KLF13: variants seen among roughly 807,000 people sequenced by gnomAD.
KLF13 encodes the protein Krueppel-like factor 13.
In KLF13, 8 loss-of-function variants were observed where a neutral mutation model predicts 16.7. The observed-to-expected ratio is 0.48, with a 90% CI of 0.28 to 0.87. The LOEUF (loss-of-function observed/expected upper bound fraction) is 0.87. Among genes scored for constraint, KLF13 ranks in the 40% least tolerant of loss-of-function variants. The probability of loss-of-function intolerance (pLI) is 0.10; values close to 1 mark genes in which losing one functional copy is unlikely to be tolerated. For missense variants in KLF13, 447 were observed against 452.2 expected (o/e 0.99, Z 0.10); for synonymous variants, 245 against 208.4 (o/e 1.18, Z -1.51).
At chr15:31,428,087 T>A (rs749048677) in intron 1 of KLF13, among the ~76,000 whole-genome samples, 3 of 152,178 alleles carry the variant, frequency 2.0e-5, no homozygotes, top group Non-Finnish European at 2.9e-5. Context: ...CTTGAAGACA[T>A]TATGCTAAGC....
At chr15:31,428,887 A>G (rs1203312874) in intron 1 of KLF13, among the ~76,000 whole-genome samples, 1 of 151,820 alleles carries the variant, frequency 6.6e-6, no homozygotes, top group Non-Finnish European at 1.5e-5. Context: ...GATATAGTGG[A>G]AGAAAGTAGC....
intron 1 of KLF13, chr15:31,339,917 C>A: frequency 1.4e-6 from 1 of 702,070 alleles, no homozygotes; most frequent in South Asian, 1.5e-5. Context: ...CCTTGGATTT[C>A]ACTGGGCTTC....
rs192112414 is a variant in KLF13, at chr15:31,423,414, G to A, written n.118-11956G>A. 3.1e-3 allele frequency among the ~76,000 whole-genome samples: 475 copies of A among 151,474 alleles called. 2 individuals are homozygous for A. Among genetic ancestry groups the A allele is most frequent in the African/African-American group, 0.011 (444 of 41,290 alleles). On this transcript the variant is annotated intron_variant and non_coding_transcript_variant, in intron 1 of 1. Transcript: ENST00000558225. The stretch of plus-strand genomic sequence containing the variant: ...TGGGAGGCTGAGGTGGGTGGATCAC[G>A]TGAGGTCAGGAGTTCGAGACCAGGC...
chr15:31,367,565 T>G (rs1244760905), intron 1 of KLF13, among the ~76,000 whole-genome samples: 1 of 152,212 alleles, frequency 6.6e-6, no homozygotes, highest in Non-Finnish European at 1.5e-5. Context: ...GTACCTCACA[T>G]GCTTCCCCAG....
chr15:31,428,834 A>AAAAG (rs1376626137), intron 1 of KLF13, among the ~76,000 whole-genome samples: 1 of 151,030 alleles, frequency 6.6e-6, no homozygotes, highest in African/African-American at 2.4e-5. Flanking sequence ...AAGAAAAAGA[A>AAAAG]AAAGAAATGC....
Position 31,423,137 on chromosome 15 carries a change from ACG to A in KLF13, n.118-12232_118-12231del, listed in dbSNP as rs61612323. Among the ~76,000 whole-genome samples, 320 of 48,990 alleles carry A rather than the reference ACG, an allele frequency of 6.5e-3. 28 individuals are homozygous for A. Among genetic ancestry groups the A allele is most frequent in the African/African-American group, 0.018 (86 of 4,656 alleles). 32.1% of individuals were successfully genotyped at this position (48,990 alleles called of 152,430 possible). A position where few individuals can be genotyped will look rare whatever the true frequency, so the allele number is the denominator to read the frequency against. ...CGTATATATACGTATATATACGTAT[ACG>A]TATACGTATATATACGTATATATAT... On this transcript the variant is annotated intron_variant and non_coding_transcript_variant, in intron 1 of 1. Coordinates refer to the KLF13 transcript ENST00000558225.
intron 1 of KLF13, among the ~76,000 whole-genome samples, chr15:31,331,536 A>G (rs1032880950): frequency 3.3e-5 from 5 of 152,170 alleles, no homozygotes; most frequent in African/African-American, 7.2e-5. Context: ...TGCCTGGGAA[A>G]GCAGAGCAGA....
chr15:31,369,896 T>G (rs1295672719), intron 1 of KLF13, among the ~76,000 whole-genome samples: 1 of 152,186 alleles, frequency 6.6e-6, no homozygotes, highest in Non-Finnish European at 1.5e-5. Flanking sequence ...GGTGTTTGTT[T>G]CTTCCCCCTC....
At chr15:31,430,459 G>C (rs2040458677) in intron 1 of KLF13, among the ~76,000 whole-genome samples, 1 of 152,172 alleles carries the variant, frequency 6.6e-6, no homozygotes, top group South Asian at 2.1e-4. Flanking sequence ...ATCTGGCAAG[G>C]GTCTTCTTGC....
At chr15:31,410,398 A>C (rs1955176527) in intron 1 of KLF13, among the ~76,000 whole-genome samples, 1 of 152,170 alleles carries the variant, frequency 6.6e-6, no homozygotes, top group Non-Finnish European at 1.5e-5. Flanking sequence ...AAAATCTATC[A>C]ATAATCAATT....
chr15:31,379,106 ATG>A (rs2140973902), downstream of KLF13, among the ~76,000 whole-genome samples: 1 of 152,292 alleles, frequency 6.6e-6, no homozygotes, highest in East Asian at 1.9e-4. Context: ...TTGATTAGAC[ATG>A]GTTTTTCCTG....
chr15:31,394,765 G>A (rs975315104), intron 2 of KLF13, among the ~76,000 whole-genome samples: 2 of 152,022 alleles, frequency 1.3e-5, no homozygotes, highest in Non-Finnish European at 2.9e-5. Flanking sequence ...ATAGAATATT[G>A]CCTCAAAATA....
At chr15:31,428,820 A>AGAAAAAG (rs563630549) in intron 1 of KLF13, among the ~76,000 whole-genome samples, 19 of 72,658 alleles carry the variant, frequency 2.6e-4, no homozygotes, top group African/African-American at 1.1e-3. Context: ...AAAAAAAAAA[A>AGAAAAAG]AAAAAGAAAA....
intron 1 of KLF13, among the ~76,000 whole-genome samples, chr15:31,332,610 C>T (rs2038852769): frequency 6.6e-6 from 1 of 152,220 alleles, no homozygotes; most frequent in Non-Finnish European, 1.5e-5. Flanking sequence ...CTTCACATGT[C>T]TGGAACACAG....
At chr15:31,426,822 C>G (rs571335416) in intron 1 of KLF13, among the ~76,000 whole-genome samples, 1 of 152,254 alleles carries the variant, frequency 6.6e-6, no homozygotes, top group Admixed American at 6.5e-5. Flanking sequence ...GGAAGATCCA[C>G]CCTCACTGTG....
intron 1 of KLF13, among the ~76,000 whole-genome samples, chr15:31,344,472 C>G (rs4779863): frequency 0.42 from 63,929 of 152,150 alleles, 14,350 homozygotes; most frequent in Non-Finnish European, 0.51. Flanking sequence ...CTTGGCTCCT[C>G]AGTGCCTTGG....
At chr15:31,414,122 A>G (rs1270891024) in intron 1 of KLF13, among the ~76,000 whole-genome samples, 1 of 152,180 alleles carries the variant, frequency 6.6e-6, no homozygotes, top group Non-Finnish European at 1.5e-5. Context: ...AGTGTTCTTA[A>G]TAGATCACTG....
intron 1 of KLF13, among the ~76,000 whole-genome samples, chr15:31,433,266 C>T (rs995388843): frequency 6.6e-6 from 1 of 152,148 alleles, no homozygotes; most frequent in African/African-American, 2.4e-5. Flanking sequence ...GTGGGAGCCC[C>T]CTGGGAGCTC....
intron 1 of KLF13, among the ~76,000 whole-genome samples, chr15:31,336,274 G>A (rs2038928999): frequency 6.6e-6 from 1 of 152,222 alleles, no homozygotes; most frequent in Admixed American, 6.5e-5. Flanking sequence ...GGAGTAAGGA[G>A]AGCCTGTGAA....
Sources: gnomAD v4.1 joint callset for allele counts (sites outside exome capture counted in the v4.1 genomes callset) on GRCh38, gnomAD v4.1.1 for gene constraint, MANE v1.5 for transcripts, NCBI Gene and HGNC (gene_info 2026-07-23, HGNC 2026-07-21) for gene names.